The following KDM6A variants were observed in gnomAD, a reference collection of about 807,000 sequenced individuals.
KDM6A encodes lysine-specific demethylase 6A.
KDM6A carries 11 observed loss-of-function variants against 117.6 expected under a neutral mutation model. The ratio of observed to expected loss-of-function variants is 0.09; its 90% CI spans 0.06 to 0.15. The LOEUF (loss-of-function observed/expected upper bound fraction) is 0.15, where lower values mean the gene tolerates loss of function less well. KDM6A is among the 10% of genes least tolerant of loss of function. The pLI, the probability that KDM6A is intolerant of heterozygous loss-of-function variation, is 1.00. For synonymous variants in KDM6A, 384 were observed against 396.1 expected (o/e 0.97, Z 0.36); for missense variants, 799 against 1,077.3 (o/e 0.74, Z 3.62).
rs1320405381 is a variant in KDM6A at position 45,012,424 on chromosome X, A to G, written c.443+1405A>G. Among the ~76,000 whole-genome samples, 5 of 109,444 alleles carry G rather than the reference A, an allele frequency of 4.6e-5. No individual in the cohort carries two copies. In the Admixed American group the frequency reaches 4.9e-4, roughly 11 times the overall value. On this transcript the variant is annotated intron_variant, in intron 5 of 29. Transcript: ENST00000611820. ...TACCATGTTGGCCAGGCTGGTGTCG[A>G]ACTCCTGACCTCAAGTGATCCGCCC...
rs140335606 is a variant in KDM6A, at chrX:45,053,893, G to C, written c.813G>C (p.Gln271His). 18 of 1,202,076 alleles carry C rather than the reference G, an allele frequency of 1.5e-5. No homozygotes were observed. The highest frequency in any genetic ancestry group is 1.8e-5 in the Non-Finnish European group (16 of 887,888). Residue 271 changes from glutamine to histidine, a missense_variant, in exon 10 of 30, where the codon CAG becomes CAC. Gln to His is a conservative substitution (Grantham distance 24). Transcript: ENST00000611820. ...DKATKESYAIQYLQKSLEADP... is the reference protein window; with the variant it reads ...DKATKESYAIHYLQKSLEADP... Reference sequence around the variant, plus strand: ...CCACCAAGGAAAGCTATGCTATTCAGTATCTCCAAAAGTCCTTGGAAGCAG... The same window carrying C: ...CCACCAAGGAAAGCTATGCTATTCACTATCTCCAAAAGTCCTTGGAAGCAG...
At chrX:44,946,519 A>C (rs1381009414) in intron 2 of KDM6A, among the ~76,000 whole-genome samples, 1 of 111,575 alleles carries the variant, frequency 9.0e-6, no homozygotes, top group East Asian at 2.8e-4. Context: ...TTGCCTTTAT[A>C]CTAATTTTTT....
At chrX:45,030,705 T>G (rs2042566014) in intron 6 of KDM6A, among the ~76,000 whole-genome samples, 1 of 111,490 alleles carries the variant, frequency 9.0e-6, no homozygotes, top group African/African-American at 3.3e-5. Flanking sequence ...TATTTTATTT[T>G]TTAATATTAA....
chrX:44,934,728 A>G (rs923039417), intron 2 of KDM6A, among the ~76,000 whole-genome samples: 18 of 111,401 alleles, frequency 1.6e-4, no homozygotes, highest in African/African-American at 5.9e-4. Context: ...GGATAGATCT[A>G]TGAATGAGAA....
At chrX:45,030,337 C>T (rs892829713) in intron 6 of KDM6A, among the ~76,000 whole-genome samples, 1 of 81,252 alleles carries the variant, frequency 1.2e-5, no homozygotes, top group African/African-American at 4.9e-5. Flanking sequence ...TAGAAAAGAC[C>T]GGCTGGTAAA....
At chrX:44,942,044 T>G (rs764530075) in intron 2 of KDM6A, among the ~76,000 whole-genome samples, 2 of 109,292 alleles carry the variant, frequency 1.8e-5, no homozygotes, top group African/African-American at 6.7e-5. Context: ...AAGACTTTTT[T>G]TTTTTTTGAG....
intron 4 of KDM6A, among the ~76,000 whole-genome samples, chrX:44,983,726 C>G (rs1406640475): frequency 9.1e-6 from 1 of 110,495 alleles, no homozygotes; most frequent in Non-Finnish European, 1.9e-5. Flanking sequence ...ATCCATGTTC[C>G]TACAAAGGAC....
At chrX:45,030,907 C>T (rs758612412) in intron 6 of KDM6A, among the ~76,000 whole-genome samples, 31 of 110,977 alleles carry the variant, frequency 2.8e-4, no homozygotes, top group Middle Eastern at 4.7e-3. Context: ...GTTGGCCTGG[C>T]TTGTCTCAAA....
At chrX:45,038,216 CTG>C (rs1248121957) in intron 8 of KDM6A, among the ~76,000 whole-genome samples, 1 of 111,351 alleles carries the variant, frequency 9.0e-6, no homozygotes, top group East Asian at 2.8e-4. Context: ...GAGTGAGACT[CTG>C]TCTCAAGAAA....
chrX:45,109,965 T>C (rs1271115511), intron 28 of KDM6A, 114 bp from the exon 29 acceptor site: 1 of 726,126 alleles, frequency 1.4e-6, no homozygotes, highest in African/African-American at 2.1e-5. Flanking sequence ...CACCTACTCT[T>C]AACCAGAGAT....
intron 2 of KDM6A, among the ~76,000 whole-genome samples, chrX:44,889,305 G>A (rs915969239): frequency 2.7e-5 from 3 of 112,088 alleles, no homozygotes; most frequent in Non-Finnish European, 5.6e-5. Context: ...GTGAGCTACC[G>A]CACCCTGCCA....
intron 2 of KDM6A, among the ~76,000 whole-genome samples, chrX:44,933,867 C>A (rs1481790820): frequency 1.8e-5 from 2 of 111,868 alleles, no homozygotes; most frequent in Non-Finnish European, 3.8e-5. Context: ...CGTGAGCCAC[C>A]GTGCCTGGCC....
chrX:44,960,004 A>G (rs2038579684), intron 2 of KDM6A, among the ~76,000 whole-genome samples: 1 of 111,784 alleles, frequency 8.9e-6, no homozygotes, highest in African/African-American at 3.3e-5. Flanking sequence ...AAACTTGTTG[A>G]ATATTTATGT....
intron 6 of KDM6A, among the ~76,000 whole-genome samples, chrX:45,027,158 T>A (rs1463124231): frequency 1.9e-5 from 2 of 104,832 alleles, no homozygotes; most frequent in Non-Finnish European, 3.9e-5. Flanking sequence ...CACACACGTT[T>A]GTTAGTTCAG....
chrX:44,982,661 A>G (rs943612186), intron 4 of KDM6A, among the ~76,000 whole-genome samples: 63 of 112,224 alleles, frequency 5.6e-4, no homozygotes, highest in African/African-American at 2.0e-3. Flanking sequence ...ATACTGTTTT[A>G]CTGCCTGATT....
chrX:44,931,211 C>T (rs904523642), intron 2 of KDM6A, among the ~76,000 whole-genome samples: 1 of 111,066 alleles, frequency 9.0e-6, no homozygotes, highest in Non-Finnish European at 1.9e-5. Context: ...ACTACAGGCA[C>T]GCACCACCAT....
intron 8 of KDM6A, among the ~76,000 whole-genome samples, chrX:45,047,674 CTTTTTT>C (rs78749806): frequency 4.1e-4 from 15 of 36,345 alleles, no homozygotes; most frequent in South Asian, 2.0e-3. Flanking sequence ...CTTTTTTTTT[CTTTTTT>C]TTTTTTTTTT....
chrX:44,941,146 TA>T (rs923093585), intron 2 of KDM6A, among the ~76,000 whole-genome samples: 11 of 111,816 alleles, frequency 9.8e-5, no homozygotes, highest in African/African-American at 2.0e-4. Context: ...TTTCTTTTAA[TA>T]AAAAAAACAA....
chrX:45,012,137 A>G (rs1461916654), intron 5 of KDM6A, among the ~76,000 whole-genome samples: 7 of 108,014 alleles, frequency 6.5e-5, no homozygotes, highest in Admixed American at 4.0e-4. Context: ...TGCCTTTCCT[A>G]TAGAGTTTTG....
Sources: allele counts gnomAD v4.1 joint callset (sites outside exome capture counted in the v4.1 genomes callset), GRCh38; gene constraint gnomAD v4.1.1; transcripts MANE v1.5; gene names NCBI Gene and HGNC (gene_info 2026-07-23, HGNC 2026-07-21).